TIAM1: variants seen among roughly 807,000 people sequenced by gnomAD.
The protein encoded by TIAM1 is rho guanine nucleotide exchange factor TIAM1.
Under a neutral mutation model 163.5 loss-of-function variants are expected in TIAM1, and 65 were observed. The ratio of observed to expected loss-of-function variants is 0.40; its 90% CI spans 0.33 to 0.49. The LOEUF (loss-of-function observed/expected upper bound fraction) is 0.49, where lower values mean the gene tolerates loss of function less well. Among genes scored for constraint, TIAM1 ranks in the 20% least tolerant of loss-of-function variants. The pLI, the probability that TIAM1 is intolerant of heterozygous loss-of-function variation, is 0.77. For synonymous variants in TIAM1, 833 were observed against 810.1 expected, an observed-to-expected ratio of 1.03 and a Z score of -0.48; for missense variants, 1,789 against 2,044.7, an observed-to-expected ratio of 0.87 and a Z score of 2.41.
intron 1 of TIAM1, among the ~76,000 whole-genome samples, chr21:31,534,574 C>T (rs1257438501): frequency 6.6e-6 from 1 of 152,112 alleles, no homozygotes; most frequent in African/African-American, 2.4e-5. Context: ...ACTCGGGAAG[C>T]TGAGATAGAA....
chr21:31,363,381 C>T (rs1389550709), intron 2 of TIAM1, among the ~76,000 whole-genome samples: 1 of 152,152 alleles, frequency 6.6e-6, no homozygotes, highest in African/African-American at 2.4e-5. Flanking sequence ...CTGATCCTTA[C>T]AACCCAACAT....
chr21:31,292,842 T>G (rs1379317365), intron 2 of TIAM1, among the ~76,000 whole-genome samples: 1 of 152,022 alleles, frequency 6.6e-6, no homozygotes, highest in Non-Finnish European at 1.5e-5. Flanking sequence ...CTAATTTTTG[T>G]ATTTTTAGTA....
chr21:31,175,724 A>T (rs1010454704), intron 15 of TIAM1, among the ~76,000 whole-genome samples: 1 of 151,794 alleles, frequency 6.6e-6, no homozygotes, highest in South Asian at 2.1e-4. Context: ...TCAGCCTCCC[A>T]AGCAGCTGGG....
intron 2 of TIAM1, among the ~76,000 whole-genome samples, chr21:31,459,946 TTTTTCCTCAGGGTGC>T (rs2045261952): frequency 6.6e-6 from 1 of 152,192 alleles, no homozygotes; most frequent in Admixed American, 6.5e-5. Context: ...TCTTCCCCTC[TTTTTCCTCAGGGTGC>T]TTTTCCTCAT....
At chr21:31,541,033 T>C (rs1014190631) in intron 1 of TIAM1, among the ~76,000 whole-genome samples, 2 of 152,200 alleles carry the variant, frequency 1.3e-5, no homozygotes, top group African/African-American at 4.8e-5. Context: ...GGAAGGCAGT[T>C]TGGCAATTCA....
intron 1 of TIAM1, among the ~76,000 whole-genome samples, chr21:31,538,207 T>C (rs1037139976): frequency 1.3e-5 from 2 of 152,072 alleles, no homozygotes; most frequent in African/African-American, 2.4e-5. Flanking sequence ...ACGTACACTT[T>C]TCTGTATGTA....
chr21:31,464,430 C>T (rs1290734517), intron 1 of TIAM1, among the ~76,000 whole-genome samples: 1 of 151,978 alleles, frequency 6.6e-6, no homozygotes, highest in Non-Finnish European at 1.5e-5. Context: ...AAAATTGCAC[C>T]AGGCGCAGTG....
intron 1 of TIAM1, among the ~76,000 whole-genome samples, chr21:31,473,429 CAAAA>C (rs56691495): frequency 1.7e-3 from 131 of 75,508 alleles, no homozygotes; most frequent in East Asian, 2.6e-3. Flanking sequence ...GACTCCATCT[CAAAA>C]AAAAAAAAAA....
intron 25 of TIAM1, among the ~76,000 whole-genome samples, chr21:31,127,619 T>C (rs1237339161): frequency 1.3e-5 from 2 of 152,078 alleles, no homozygotes; most frequent in Non-Finnish European, 2.9e-5. Context: ...GGTTTCACCA[T>C]GTTGGTTAGG....
intron 2 of TIAM1, among the ~76,000 whole-genome samples, chr21:31,301,796 C>T (rs140770078): frequency 1.3e-3 from 193 of 151,328 alleles, no homozygotes; most frequent in African/African-American, 4.4e-3. Flanking sequence ...GCTGAGATTG[C>T]GTCATTGCAC....
At chr21:31,505,251 T>C (rs1037805114) in intron 1 of TIAM1, among the ~76,000 whole-genome samples, 3 of 152,146 alleles carry the variant, frequency 2.0e-5, no homozygotes, top group Non-Finnish European at 4.4e-5. Flanking sequence ...AGTGTTGACA[T>C]AGGATTCAAT....
chr21:31,552,638 G>C (rs1279807635), intron 1 of TIAM1, among the ~76,000 whole-genome samples: 1 of 152,104 alleles, frequency 6.6e-6, no homozygotes, highest in Non-Finnish European at 1.5e-5. Context: ...GCCAGGCATG[G>C]TGGTAGGCGC....
chr21:31,409,636 C>T (rs545019477), intron 2 of TIAM1, among the ~76,000 whole-genome samples: 62 of 152,328 alleles, frequency 4.1e-4, no homozygotes, highest in African/African-American at 1.5e-3. Flanking sequence ...GACCTCCGCA[C>T]CACAGGCCCG....
chr21:31,453,214 G>A (rs888511818), intron 2 of TIAM1: 5 of 263,280 alleles, frequency 1.9e-5, no homozygotes, highest in African/African-American at 1.1e-4. Flanking sequence ...GGAAGAGAAT[G>A]TCTAAATAAA....
At chr21:31,496,578 A>G (rs2046655778) in intron 1 of TIAM1, among the ~76,000 whole-genome samples, 1 of 152,106 alleles carries the variant, frequency 6.6e-6, no homozygotes, top group Admixed American at 6.5e-5. Flanking sequence ...CTGTGAAGTT[A>G]AAAAGCTACA....
At chr21:31,507,377 T>C (rs940661132) in intron 1 of TIAM1, among the ~76,000 whole-genome samples, 28 of 151,400 alleles carry the variant, frequency 1.8e-4, no homozygotes, top group Non-Finnish European at 3.5e-4. Context: ...GCTAATTTTT[T>C]TGTATTCTTA....
intron 2 of TIAM1, among the ~76,000 whole-genome samples, chr21:31,430,362 A>G (rs1019031275): frequency 5.3e-5 from 8 of 151,674 alleles, no homozygotes; most frequent in Admixed American, 5.3e-4. Context: ...ATTACCATAC[A>G]TGCAAACAAG....
intron 2 of TIAM1, among the ~76,000 whole-genome samples, chr21:31,376,685 C>T (rs1345716973): frequency 2.0e-5 from 3 of 151,770 alleles, no homozygotes; most frequent in African/African-American, 7.3e-5. Context: ...CTTTTCCATA[C>T]TCAGTGCCTA....
Position 31,266,329 on chromosome 21 carries a change from T to C in TIAM1, c.644A>G (p.Glu215Gly), listed in dbSNP as rs778779002. 14 of 1,614,118 alleles carry C rather than the reference T, an allele frequency of 8.7e-6. No homozygotes were observed. Among genetic ancestry groups the C allele is most frequent in the Non-Finnish European group, 1.1e-5 (13 of 1,180,040 alleles). ...GAGCTGCCGCGGACTCGCCCGCGTTTCCATCCCCCGAGCCTCCTCGCAGTC... is the reference window on the plus strand; with the variant it reads ...GAGCTGCCGCGGACTCGCCCGCGTTCCCATCCCCCGAGCCTCCTCGCAGTC... ...EKDCEEARGM[E>G]TRASPRQLST... The change falls in exon 4 of 28, where the codon GAA (glutamate) becomes GGA (glycine). Residue 215 changes from glutamate (E) to glycine (G), a missense_variant. Coordinates refer to ENST00000541036, the MANE Select transcript of TIAM1 (RefSeq NM_001353694.2).
Sources: allele counts gnomAD v4.1 joint callset (sites outside exome capture counted in the v4.1 genomes callset), GRCh38; gene constraint gnomAD v4.1.1; transcripts MANE v1.5; gene names NCBI Gene and HGNC (gene_info 2026-07-23, HGNC 2026-07-21).